TTC17: variants seen among roughly 807,000 people sequenced by gnomAD.
TTC17 encodes tetratricopeptide repeat domain 17.
Under a neutral mutation model 143.8 loss-of-function variants are expected in TTC17, and 58 were observed. The ratio of observed to expected loss-of-function variants is 0.40; its 90% CI spans 0.33 to 0.50. The LOEUF (loss-of-function observed/expected upper bound fraction) is 0.50, where lower values mean the gene tolerates loss of function less well. Ranked by LOEUF, TTC17 falls within the 20% of genes least tolerant of loss-of-function variation. The pLI, the probability that TTC17 is intolerant of heterozygous loss-of-function variation, is 0.49. For synonymous variants in TTC17, 501 were observed against 497.8 expected (o/e 1.01, Z -0.09); for missense variants, 1,273 against 1,392.5 (o/e 0.91, Z 1.37).
In TTC17 at chr11:43,397,438, C is replaced by T. The variant is rs1857640985; in HGVS notation, c.865C>T (p.Leu289=). 1.2e-6 allele frequency: 2 copies of T among 1,613,166 alleles called. No homozygotes were observed. The highest frequency in any genetic ancestry group is 1.7e-6 in the Non-Finnish European group (2 of 1,179,950). Residue 289 remains leucine (L), a synonymous_variant, in exon 7 of 24, where the codon CTG becomes TTG. Coordinates refer to ENST00000039989, the MANE Select transcript of TTC17 (RefSeq NM_018259.6). Reference sequence around the variant, plus strand: ...TGCTGCTGTCGTGGTCCATGCAGCTCTGGATGACAGTGACTTCTTCACCAG... The same window carrying T: ...TGCTGCTGTCGTGGTCCATGCAGCTTTGGATGACAGTGACTTCTTCACCAG... ...ADAAVVVHAA[L]DDSDFFTSYY...
chr11:43,367,377 G>A (rs145620309), intron 1 of TTC17, among the ~76,000 whole-genome samples: 32 of 152,248 alleles, frequency 2.1e-4, no homozygotes, highest in Admixed American at 3.9e-4. Flanking sequence ...GCATCAAAAA[G>A]CAAAAAGTAT....
chr11:43,386,101 G>A (rs1857159458), intron 2 of TTC17, among the ~76,000 whole-genome samples: 1 of 150,474 alleles, frequency 6.6e-6, no homozygotes, highest in Non-Finnish European at 1.5e-5. Flanking sequence ...ATGGGGAAAG[G>A]ATAGACTTTT....
chr11:43,421,313 G>A (rs1055613017), intron 16 of TTC17, among the ~76,000 whole-genome samples: 30 of 152,290 alleles, frequency 2.0e-4, no homozygotes, highest in Middle Eastern at 3.4e-3. Context: ...AGCAAGGAGG[G>A]CTTTCCATCT....
intron 21 of TTC17, among the ~76,000 whole-genome samples, chr11:43,458,500 T>G (rs1304914668): frequency 6.6e-6 from 1 of 152,166 alleles, no homozygotes; most frequent in Admixed American, 6.5e-5. Flanking sequence ...CAGCTGAGAT[T>G]CAAGGAAACA....
intron 16 of TTC17, among the ~76,000 whole-genome samples, chr11:43,420,597 T>C (rs1211653823): frequency 2.0e-5 from 3 of 152,206 alleles, no homozygotes; most frequent in Admixed American, 6.5e-5. Context: ...TAGTAGACAG[T>C]ATTTTTCTTT....
intron 21 of TTC17, among the ~76,000 whole-genome samples, chr11:43,465,470 AAAAT>A (rs1260469042): frequency 2.6e-5 from 4 of 152,212 alleles, no homozygotes; most frequent in Admixed American, 6.5e-5. Flanking sequence ...AGACAGGGAG[AAAAT>A]AAATAAAAGG....
At chr11:43,470,709 C>G (rs1202083851) in intron 21 of TTC17, among the ~76,000 whole-genome samples, 1 of 152,172 alleles carries the variant, frequency 6.6e-6, no homozygotes, top group Non-Finnish European at 1.5e-5. Flanking sequence ...ATAGGAATTA[C>G]CTGGAGGCCT....
In TTC17 at chr11:43,486,398, T is replaced by C. The variant is rs1204316065; in HGVS notation, c.3031-3841T>C. ...AAAAAATAGTAGATGTAAAACTGGA[T>C]GCTATCCATGGTTTCAGGCATCCAC... On this transcript the variant is annotated intron_variant, in intron 21 of 23. Transcript: ENST00000039989. 8.8e-6 allele frequency: 4 copies of C among 452,642 alleles called. No individual in the cohort carries two copies. The Admixed American group carries it at 9.4e-5, about 11-fold the overall frequency. The allele number at this position is 452,642 out of a possible 1,614,324, so 28.0% of individuals were successfully genotyped here.
chr11:43,466,553 T>A, intron 21 of TTC17: 1 of 237,782 alleles, frequency 4.2e-6, no homozygotes, highest in Non-Finnish European at 9.0e-6. Flanking sequence ...ACAGAATTAT[T>A]CCGGAGTTTA....
intron 10 of TTC17, among the ~76,000 whole-genome samples, chr11:43,401,996 TAAATA>T (rs1323576789): frequency 6.1e-5 from 7 of 114,194 alleles, no homozygotes; most frequent in African/African-American, 4.1e-4. Context: ...AATAAATAAA[TAAATA>T]AATAAATAAA....
chr11:43,360,679 C>T (rs1398531348), intron 1 of TTC17, among the ~76,000 whole-genome samples: 1 of 151,316 alleles, frequency 6.6e-6, no homozygotes, highest in African/African-American at 2.4e-5. Context: ...TATGTATATA[C>T]TTAACATTGC....
chr11:43,367,505 G>GT (rs1187156063), intron 1 of TTC17, among the ~76,000 whole-genome samples: 2 of 152,324 alleles, frequency 1.3e-5, no homozygotes, highest in African/African-American at 4.8e-5. Context: ...CAGCTGTGGG[G>GT]TTCAGCAGTT....
chr11:43,446,515 G>T, intron 18 of TTC17: 1 of 518,930 alleles, frequency 1.9e-6, no homozygotes. Flanking sequence ...TTTTTCAAAT[G>T]AAATTATTAA....
At chr11:43,372,482 TTTTA>T (rs368350167) in intron 1 of TTC17, among the ~76,000 whole-genome samples, 60 of 145,934 alleles carry the variant, frequency 4.1e-4, no homozygotes, top group African/African-American at 9.6e-4. Flanking sequence ...TATTTTTATT[TTTTA>T]TTTATTTATT....
intron 21 of TTC17, among the ~76,000 whole-genome samples, chr11:43,453,729 G>A (rs1004559166): frequency 5.9e-5 from 9 of 152,182 alleles, no homozygotes; most frequent in African/African-American, 1.7e-4. Flanking sequence ...AGACAGTATC[G>A]TATGTTATGG....
chr11:43,365,874 G>A (rs1856316947), intron 1 of TTC17, among the ~76,000 whole-genome samples: 3 of 152,002 alleles, frequency 2.0e-5, no homozygotes, highest in Admixed American at 2.0e-4. Flanking sequence ...TTCTGTTCCA[G>A]TTTTTTTAAA....
At chr11:43,491,013 G>C (rs1455649604) in intron 22 of TTC17, 1 of 152,118 alleles carries the variant, frequency 6.6e-6, no homozygotes, top group Non-Finnish European at 1.5e-5. Flanking sequence ...CAGATCTTAT[G>C]CTTTTTAAAG....
At chr11:43,454,893 A>T (rs536478198) in intron 21 of TTC17, among the ~76,000 whole-genome samples, 100 of 152,158 alleles carry the variant, frequency 6.6e-4, no homozygotes, top group Non-Finnish European at 1.2e-3. Context: ...TAATAAGGAT[A>T]TAAAGACCTA....
chr11:43,433,687 TGTGGGCAGAGG>T (rs1387929732), intron 16 of TTC17, among the ~76,000 whole-genome samples: 1 of 152,184 alleles, frequency 6.6e-6, no homozygotes, highest in Non-Finnish European at 1.5e-5. Context: ...AAATTTTTAC[TGTGGGCAGAGG>T]GTGGGAGAGA....
Sources: gnomAD v4.1 joint callset for allele counts (sites outside exome capture counted in the v4.1 genomes callset) on GRCh38, gnomAD v4.1.1 for gene constraint, MANE v1.5 for transcripts, NCBI Gene and HGNC (gene_info 2026-07-23, HGNC 2026-07-21) for gene names.